SLC7A5: variants seen among roughly 807,000 people sequenced by gnomAD.
The protein encoded by SLC7A5 is large neutral amino acids transporter small subunit 1.
Under a neutral mutation model 50.2 loss-of-function variants are expected in SLC7A5, and 23 were observed. The observed-to-expected ratio is 0.46, with a 90% CI of 0.33 to 0.65. SLC7A5 has a LOEUF of 0.65. SLC7A5 is among the 30% of genes least tolerant of loss of function. The pLI is 0.02. For missense variants in SLC7A5, 578 were observed against 684.4 expected, an observed-to-expected ratio of 0.84 and a Z score of 1.73; for synonymous variants, 393 against 330.6, an observed-to-expected ratio of 1.19 and a Z score of -2.05.
At chr16:87,859,881 A>C (rs2055367656) in intron 1 of SLC7A5, among the ~76,000 whole-genome samples, 1 of 152,068 alleles carries the variant, frequency 6.6e-6, no homozygotes, top group African/African-American at 2.4e-5. Flanking sequence ...CAGTGAGCTG[A>C]GATCATGCCA....
In SLC7A5 at chr16:87,852,079, C is replaced by T. The variant is rs1261561714; in HGVS notation, c.539-230G>A. On this transcript the variant is annotated intron_variant, in intron 1 of 9. Transcript: ENST00000261622. The surrounding 1 kb of genome is among the most constrained non-coding windows in gnomAD (Gnocchi z 4.5). ...GGTCTAAGGGCTGGATCCCAGGTGC[C>T]CCTTAAGATCTGCAAGGGACCTTTC... is the stretch of plus-strand genomic sequence containing the variant. Among the ~76,000 whole-genome samples, 1 of 152,070 alleles carries T rather than the reference C, an allele frequency of 6.6e-6. No homozygotes were observed. Among genetic ancestry groups the T allele is most frequent in the Non-Finnish European group, 1.5e-5 (1 of 68,016 alleles).
Position 87,832,770 on chromosome 16 carries a change from G to C in SLC7A5, c.*200C>G. The C allele has an allele frequency of 1.7e-6, 1 of 593,544 alleles. No individual in the cohort carries two copies. The highest frequency in any genetic ancestry group is 3.1e-6 in the Non-Finnish European group (1 of 322,658). 36.8% of individuals were successfully genotyped at this position (593,544 alleles called of 1,614,324 possible). ...CTGGGCAGGAGCACAGGCACACCTG[G>C]GTCCCTGGCCCTCAGTTGAGGGATG... is the stretch of plus-strand genomic sequence containing the variant. On this transcript the variant is annotated 3_prime_UTR_variant, in exon 10 of 10. Transcript: ENST00000261622. This position sits in a 1 kb window ranked among gnomAD's most constrained non-coding sequence, Gnocchi z 4.6.
chr16:87,868,869 C>G lies in SLC7A5; in HGVS notation c.538+16G>C, dbSNP rs1281965752. 6.3e-7 allele frequency: 1 copy of G among 1,589,694 alleles called. No individual in the cohort carries two copies. Among genetic ancestry groups the G allele is most frequent in the Admixed American group, 1.8e-5 (1 of 56,194 alleles). On this transcript the variant is annotated intron_variant, in intron 1 of 9. Coordinates refer to ENST00000261622, the MANE Select transcript of SLC7A5 (RefSeq NM_003486.7). ...GACTACGACCTCCCAACCCCCGGCC[C>G]GCGCCCCGTACTCACGCACGCAGAG...
intron 1 of SLC7A5, among the ~76,000 whole-genome samples, chr16:87,855,616 C>A (rs1303637661): frequency 6.6e-6 from 1 of 152,012 alleles, no homozygotes; most frequent in African/African-American, 2.4e-5. Flanking sequence ...CTCTGCTCAC[C>A]TCCCCTGATG....
chr16:87,860,333 A>T lies in SLC7A5; in HGVS notation c.539-8484T>A, dbSNP rs1270532762. Among the ~76,000 whole-genome samples the T allele has an allele frequency of 1.8e-5, 2 of 109,622 alleles. No homozygotes were observed. Among genetic ancestry groups the T allele is most frequent in the Non-Finnish European group, 3.6e-5 (2 of 55,738 alleles). 71.9% of individuals were successfully genotyped at this position (109,622 alleles called of 152,430 possible). A position where few individuals can be genotyped will look rare whatever the true frequency, so the allele number is the denominator to read the frequency against. ...GAGTAACAAAAGCATCTCAAAAAAA[A>T]AAAAAAATACACACACACACACACA... On this transcript the variant is annotated intron_variant, in intron 1 of 9. Coordinates refer to ENST00000261622, the MANE Select transcript of SLC7A5 (RefSeq NM_003486.7). This position sits in a 1 kb window ranked among gnomAD's most constrained non-coding sequence, Gnocchi z 4.8.
In SLC7A5 at chr16:87,838,633, C is replaced by T. The variant is rs2055042683; in HGVS notation, c.1043+81G>A. ...GCATCCCCAGTATCACAGAGACAAA[C>T]CTTTTACAGACATGGAACATGTTGA... On this transcript the variant is annotated intron_variant, in intron 6 of 9. Coordinates refer to ENST00000261622, the MANE Select transcript of SLC7A5 (RefSeq NM_003486.7). 4 of 1,096,392 alleles carry T rather than the reference C, an allele frequency of 3.6e-6. No homozygotes were observed. In the South Asian group the frequency reaches 3.7e-5, roughly 10 times the overall value. 67.9% of individuals were successfully genotyped at this position (1,096,392 alleles called of 1,614,324 possible). A position where few individuals can be genotyped will look rare whatever the true frequency, so the allele number is the denominator to read the frequency against.
At chr16:87,849,483 C>G (rs9926829) in intron 2 of SLC7A5, among the ~76,000 whole-genome samples, 1 of 152,008 alleles carries the variant, frequency 6.6e-6, no homozygotes, top group African/African-American at 2.4e-5. Flanking sequence ...GCTCTTTGCT[C>G]TCCCTACCGA....
intron 2 of SLC7A5, among the ~76,000 whole-genome samples, chr16:87,845,954 A>C (rs1445143672): frequency 6.6e-6 from 1 of 152,178 alleles, no homozygotes; most frequent in Non-Finnish European, 1.5e-5. Flanking sequence ...CAGCTTCCCC[A>C]GCCTGTCATC....
chr16:87,835,230 G>A (rs1280339378), intron 8 of SLC7A5, among the ~76,000 whole-genome samples: 2 of 152,244 alleles, frequency 1.3e-5, no homozygotes, highest in Non-Finnish European at 2.9e-5. Flanking sequence ...AGTGTGGGCT[G>A]CATGACTGCC....
chr16:87,860,966 C>T lies in SLC7A5; in HGVS notation c.538+7919G>A, dbSNP rs1245049702. 6.6e-6 allele frequency among the ~76,000 whole-genome samples: 1 copy of T among 152,244 alleles called. No homozygotes were observed. Among genetic ancestry groups the T allele is most frequent in the African/African-American group, 2.4e-5 (1 of 41,472 alleles). On this transcript the variant is annotated intron_variant, in intron 1 of 9. Coordinates refer to ENST00000261622, the MANE Select transcript of SLC7A5 (RefSeq NM_003486.7). The surrounding 1 kb of genome is among the most constrained non-coding windows in gnomAD (Gnocchi z 4.8). ...TGGCCACCCCGGAGGGTCCGCCTTC[C>T]AGAGGGAGAATTCAGGATTCGGCCA...
Position 87,860,392 on chromosome 16 carries a change from ACACACAC to A in SLC7A5, c.538+8486_538+8492del, listed in dbSNP as rs1158909073. On this transcript the variant is annotated intron_variant, in intron 1 of 9. Coordinates refer to ENST00000261622, the MANE Select transcript of SLC7A5 (RefSeq NM_003486.7). This position sits in a 1 kb window ranked among gnomAD's most constrained non-coding sequence, Gnocchi z 4.8. ...CACACACACACACACACACACACAC[ACACACAC>A]ATATATATATAAAGAAAAAGGAAAT... Among the ~76,000 whole-genome samples, 4 of 123,704 alleles carry A rather than the reference ACACACAC, an allele frequency of 3.2e-5. No individual in the cohort carries two copies. The highest frequency in any genetic ancestry group is 7.1e-5 in the Non-Finnish European group (4 of 56,060). The allele number at this position is 123,704 out of a possible 152,430, so 81.2% of individuals were successfully genotyped here. A position where few individuals can be genotyped will look rare whatever the true frequency, so the allele number is the denominator to read the frequency against.
intron 1 of SLC7A5, among the ~76,000 whole-genome samples, chr16:87,854,314 T>C (rs2055285792): frequency 6.6e-6 from 1 of 152,218 alleles, no homozygotes; most frequent in Non-Finnish European, 1.5e-5. Flanking sequence ...AGAACATAAA[T>C]TTTCATGTTC....
chr16:87,836,465 G>T, intron 8 of SLC7A5, 33 bp downstream of exon 8: 1 of 1,604,164 alleles, frequency 6.2e-7, no homozygotes, highest in Non-Finnish European at 8.5e-7. Flanking sequence ...CTCTGTGAAG[G>T]GTGCCTGGGT....
rs1177068112 is a variant in SLC7A5 at position 87,862,888 on chromosome 16, G to C, written c.538+5997C>G. Among the ~76,000 whole-genome samples the C allele has an allele frequency of 6.6e-6, 1 of 152,234 alleles. No individual in the cohort carries two copies. The highest frequency in any genetic ancestry group is 2.4e-5 in the African/African-American group (1 of 41,460). On this transcript the variant is annotated intron_variant, in intron 1 of 9. Transcript: ENST00000261622. The surrounding 1 kb of genome is among the most constrained non-coding windows in gnomAD (Gnocchi z 5.3). ...CGCCCACACCAATCTGCTGAGGAGT[G>C]ACAGCCATGGGGAGGAGAGCCACCT...
rs1481374522 is a variant in SLC7A5 at position 87,832,163 on chromosome 16, C to A, written c.*807G>T. Reference sequence around the variant, plus strand: ...GTTTCTAGAAGACTGAAGGACAGGGCTTTGTCTGCATGAACCAGAACTCAG... The same window carrying A: ...GTTTCTAGAAGACTGAAGGACAGGGATTTGTCTGCATGAACCAGAACTCAG... On this transcript the variant is annotated 3_prime_UTR_variant, in exon 10 of 10. Transcript: ENST00000261622. The surrounding 1 kb of genome is among the most constrained non-coding windows in gnomAD (Gnocchi z 4.6). 6.6e-6 allele frequency: 1 copy of A among 152,288 alleles called. No homozygotes were observed. Among genetic ancestry groups the A allele is most frequent in the East Asian group, 1.9e-4 (1 of 5,194 alleles). The allele number at this position is 152,288 out of a possible 1,614,324, so 9.4% of individuals were successfully genotyped here. A position where few individuals can be genotyped will look rare whatever the true frequency, so the allele number is the denominator to read the frequency against.
Position 87,868,892 on chromosome 16 carries a change from G to A in SLC7A5, c.531C>T (p.Leu177=), listed in dbSNP as rs1137356. Residue 177 remains leucine (L), a synonymous_variant, in exon 1 of 10, where the codon CTC becomes CTT. Transcript: ENST00000261622. The part of the protein sequence containing the change: ...PEEAAKLVAC[L]CVLLLTAVNC... ...CCCGCGCCCCGTACTCACGCACGCAGAGGCAGGCCACGAGCTTGGCTGCCT... is the reference window on the plus strand; with the variant it reads ...CCCGCGCCCCGTACTCACGCACGCAAAGGCAGGCCACGAGCTTGGCTGCCT... 1.2e-6 allele frequency: 2 copies of A among 1,607,476 alleles called. No homozygotes were observed. The highest frequency in any genetic ancestry group is 8.5e-7 in the Non-Finnish European group (1 of 1,177,888).
At chr16:87,851,327 G>A (rs1294197673) in intron 2 of SLC7A5, among the ~76,000 whole-genome samples, 3 of 152,224 alleles carry the variant, frequency 2.0e-5, no homozygotes, top group African/African-American at 4.8e-5. Context: ...GCGACAGCAC[G>A]TGGGACTCTG....
At chr16:87,857,218 C>G (rs1360929780) in intron 1 of SLC7A5, among the ~76,000 whole-genome samples, 7 of 144,492 alleles carry the variant, frequency 4.8e-5, no homozygotes, top group East Asian at 1.9e-4. Flanking sequence ...GCAAAGGCAG[C>G]GTTCACATTT....
chr16:87,838,788 C>T lies in SLC7A5; in HGVS notation c.969G>A (p.Met323Ile), dbSNP rs1295595321. ...VDFGNYHLGV[M>I]SWIIPVFVGL... ...CCACGAAGACGGGGATGATCCAGGA[C>T]ATGACGCCCAGGTGATAGTTCCCGA... Residue 323 changes from methionine (M) to isoleucine (I), a missense_variant, in exon 6 of 10, where the codon ATG (methionine) becomes ATA (isoleucine). Coordinates refer to ENST00000261622, the MANE Select transcript of SLC7A5 (RefSeq NM_003486.7). 6.2e-6 allele frequency: 10 copies of T among 1,614,070 alleles called. No individual in the cohort carries two copies. The highest frequency in any genetic ancestry group is 1.7e-5 in the Admixed American group (1 of 60,034).
Sources: allele counts gnomAD v4.1 joint callset (sites outside exome capture counted in the v4.1 genomes callset), GRCh38; gene constraint gnomAD v4.1.1; non-coding constraint Gnocchi (gnomAD v3.1); transcripts MANE v1.5; gene names NCBI Gene and HGNC (gene_info 2026-07-23, HGNC 2026-07-21).